Variants in RBFOX1 observed in about 807,000 individuals in gnomAD.
RBFOX1 encodes RNA binding protein fox-1 homolog 1.
Under a neutral mutation model 57.7 loss-of-function variants are expected in RBFOX1, and 8 were observed. The ratio of observed to expected loss-of-function variants is 0.14; its 90% CI spans 0.08 to 0.25. RBFOX1 has a LOEUF of 0.25. Ranked by LOEUF, RBFOX1 falls within the 10% of genes least tolerant of loss-of-function variation. RBFOX1 has a pLI of 1.00. For synonymous variants in RBFOX1, 326 were observed against 222.4 expected, an observed-to-expected ratio of 1.47 and a Z score of -4.15; for missense variants, 611 against 548.5, an observed-to-expected ratio of 1.11 and a Z score of -1.14.
At chr16:7,440,740 G>C (rs1489086030) in intron 4 of RBFOX1, among the ~76,000 whole-genome samples, 1 of 152,128 alleles carries the variant, frequency 6.6e-6, no homozygotes, top group South Asian at 2.1e-4. Context: ...AAGAAGGAAA[G>C]GAAATGAAAC....
intron 4 of RBFOX1, among the ~76,000 whole-genome samples, chr16:7,245,008 C>T (rs1291184599): frequency 6.6e-6 from 1 of 152,176 alleles, no homozygotes; most frequent in Non-Finnish European, 1.5e-5. Context: ...AGCTGCTCCT[C>T]AGCTGCATAC....
chr16:6,655,373 C>CAAAAAAAA (rs71406388), intron 3 of RBFOX1, among the ~76,000 whole-genome samples: 1,033 of 33,642 alleles, frequency 0.031, 268 homozygotes, highest in Non-Finnish European at 0.039. Flanking sequence ...GCCTCCGTTT[C>CAAAAAAAA]AAAAAAAAAA....
At chr16:5,421,465 A>T (rs761820495) in intron 1 of RBFOX1, among the ~76,000 whole-genome samples, 1 of 152,108 alleles carries the variant, frequency 6.6e-6, no homozygotes, top group Non-Finnish European at 1.5e-5. Context: ...TGTGGCTTTG[A>T]CTTTTCCAGT....
intron 3 of RBFOX1, among the ~76,000 whole-genome samples, chr16:5,627,501 T>C (rs981532114): frequency 6.6e-6 from 1 of 152,072 alleles, no homozygotes; most frequent in Non-Finnish European, 1.5e-5. Context: ...TACAAAGCAA[T>C]AGATTACAAA....
intron 3 of RBFOX1, among the ~76,000 whole-genome samples, chr16:5,650,859 C>T (rs550074422): frequency 1.3e-5 from 2 of 152,082 alleles, no homozygotes; most frequent in Admixed American, 6.6e-5. Context: ...AAGACAGGAA[C>T]GAAGCCAGTG....
At chr16:7,212,669 G>C (rs554012250) in intron 4 of RBFOX1, among the ~76,000 whole-genome samples, 1 of 152,130 alleles carries the variant, frequency 6.6e-6, no homozygotes, top group African/African-American at 2.4e-5. Flanking sequence ...TATTTGAGGA[G>C]TGTAGTTATT....
intron 3 of RBFOX1, among the ~76,000 whole-genome samples, chr16:5,727,674 T>C (rs2052204101): frequency 6.6e-6 from 1 of 152,020 alleles, no homozygotes; most frequent in South Asian, 2.1e-4. Flanking sequence ...CTACTCTGTT[T>C]TTGTTGTTGT....
chr16:7,003,715 A>G (rs1304072101), intron 3 of RBFOX1, among the ~76,000 whole-genome samples: 2 of 152,184 alleles, frequency 1.3e-5, no homozygotes, highest in East Asian at 3.8e-4. Context: ...AAACACAAAC[A>G]ATGTAATTAA....
At chr16:7,599,850 TG>T (rs1356704742) in intron 9 of RBFOX1, among the ~76,000 whole-genome samples, 1 of 151,680 alleles carries the variant, frequency 6.6e-6, no homozygotes. Context: ...TTGCCCAGGC[TG>T]GTCTCGAACT....
intron 2 of RBFOX1, among the ~76,000 whole-genome samples, chr16:5,503,848 C>A (rs1286588075): frequency 1.3e-5 from 2 of 152,232 alleles, no homozygotes; most frequent in Non-Finnish European, 2.9e-5. Flanking sequence ...CTTAAGCTAT[C>A]AAACCCCTAT....
chr16:6,893,776 G>T (rs1377705334), intron 3 of RBFOX1, among the ~76,000 whole-genome samples: 1 of 152,166 alleles, frequency 6.6e-6, no homozygotes, highest in African/African-American at 2.4e-5. Flanking sequence ...ATCATCTGGT[G>T]AGAAGTATTC....
chr16:6,071,869 G>C (rs1567384633), intron 1 of RBFOX1, among the ~76,000 whole-genome samples: 2 of 152,148 alleles, frequency 1.3e-5, no homozygotes, highest in Admixed American at 1.3e-4. Context: ...TATTTCACTA[G>C]AATAATGTCC....
intron 2 of RBFOX1, among the ~76,000 whole-genome samples, chr16:6,624,034 G>C (rs1320309715): frequency 2.0e-5 from 3 of 152,284 alleles, no homozygotes; most frequent in South Asian, 4.1e-4. Context: ...TTCCACAATG[G>C]TTGAACTAGT....
intron 3 of RBFOX1, among the ~76,000 whole-genome samples, chr16:5,710,971 A>G (rs897443221): frequency 2.6e-5 from 4 of 152,122 alleles, no homozygotes; most frequent in African/African-American, 9.7e-5. Flanking sequence ...TTATTGCAAA[A>G]CCATCCTAGA....
chr16:7,557,861 C>A (rs2152631935), intron 5 of RBFOX1, among the ~76,000 whole-genome samples: 1 of 152,060 alleles, frequency 6.6e-6, no homozygotes, highest in Admixed American at 6.6e-5. Flanking sequence ...ATACTCCCAT[C>A]ATGGCCATTG....
intron 4 of RBFOX1, among the ~76,000 whole-genome samples, chr16:7,078,728 G>C (rs1357885126): frequency 1.4e-5 from 2 of 144,748 alleles, no homozygotes; most frequent in Non-Finnish European, 3.0e-5. Flanking sequence ...TGTCACCCAG[G>C]CTGGAGTGCA....
In RBFOX1 at chr16:5,999,530, C is replaced by T. The variant is rs115090251; in HGVS notation, c.351+132195C>T. Among the ~76,000 whole-genome samples the T allele has an allele frequency of 7.3e-3, 1,112 of 152,154 alleles. 26 individuals carry two copies. Among genetic ancestry groups the T allele is most frequent in the African/African-American group, 0.026 (1,060 of 41,500 alleles). On this transcript the variant is annotated intron_variant, in intron 4 of 19. Transcript: ENST00000641259. ...AAGGCTTTATAAAGAGGTGTAACGC[C>T]AGGGCAGCAAGAGTGAAGGAAGAAG...
At chr16:7,080,018 A>G (rs1280838921) in intron 4 of RBFOX1, among the ~76,000 whole-genome samples, 1,438 of 138,706 alleles carry the variant, frequency 0.01, 28 homozygotes, top group African/African-American at 0.035. Context: ...ATATACATAT[A>G]TATACGTATA....
In RBFOX1 at chr16:5,542,075, C is replaced by G. The variant is rs73522729; in HGVS notation, c.259-56827C>G. On this transcript the variant is annotated intron_variant, in intron 2 of 2. Coordinates refer to the RBFOX1 transcript ENST00000585867. ...TTAAACTGGCCAAAGAAAACAGCCT[C>G]TTGAGGGTTGATCTTATTCTAGATT... 8.9e-3 allele frequency among the ~76,000 whole-genome samples: 1,350 copies of G among 152,162 alleles called. 26 individuals are homozygous for G. The highest frequency in any genetic ancestry group is 0.031 in the African/African-American group (1,268 of 41,520).
Sources: gnomAD v4.1 joint callset for allele counts (sites outside exome capture counted in the v4.1 genomes callset) on GRCh38, gnomAD v4.1.1 for gene constraint, MANE v1.5 for transcripts, NCBI Gene and HGNC (gene_info 2026-07-23, HGNC 2026-07-21) for gene names.